The following TENM2 variants were observed in gnomAD, a reference collection of about 807,000 sequenced individuals.
TENM2 encodes the protein teneurin transmembrane protein 2, also known as teneurin-2.
A neutral mutation model predicts 245.2 loss-of-function variants in TENM2; 52 were observed. The observed-to-expected ratio is 0.21, with a 90% CI of 0.17 to 0.27. The LOEUF (loss-of-function observed/expected upper bound fraction) is 0.27, where lower values mean the gene tolerates loss of function less well. Among genes scored for constraint, TENM2 ranks in the 10% least tolerant of loss-of-function variants. The probability of loss-of-function intolerance (pLI) is 1.00; values close to 1 mark genes in which losing one functional copy is unlikely to be tolerated. For synonymous variants in TENM2, 1,363 were observed against 1,438.9 expected (o/e 0.95, Z 1.19); for missense variants, 3,046 against 3,666.8 (o/e 0.83, Z 4.37).
At chr5:167,242,061 T>G in the TENM2 span, among the ~76,000 whole-genome samples, 1 of 150,144 alleles carries the variant, frequency 6.7e-6, no homozygotes, top group Non-Finnish European at 1.5e-5. Flanking sequence ...TTTTTTTTTT[T>G]GAGATGGAGT....
intron 2 of TENM2, among the ~76,000 whole-genome samples, chr5:167,865,623 C>CA (rs2151311916): frequency 6.6e-6 from 1 of 152,084 alleles, no homozygotes; most frequent in African/African-American, 2.4e-5. Flanking sequence ...GAAAATTAAC[C>CA]AAAAAAATGT....
chr5:168,105,671 A>T (rs932330102), intron 9 of TENM2, among the ~76,000 whole-genome samples: 3 of 152,288 alleles, frequency 2.0e-5, no homozygotes, highest in Non-Finnish European at 2.9e-5. Flanking sequence ...GAGCAACTTA[A>T]TAGGCAAGCT....
At chr5:167,114,158 A>G in the TENM2 span, among the ~76,000 whole-genome samples, 1 of 152,172 alleles carries the variant, frequency 6.6e-6, no homozygotes, top group Non-Finnish European at 1.5e-5. Context: ...TTTGTTCTCC[A>G]TCAAACGTTT....
At chr5:167,870,805 T>A (rs144832074) in intron 2 of TENM2, among the ~76,000 whole-genome samples, 54 of 152,034 alleles carry the variant, frequency 3.6e-4, no homozygotes, top group African/African-American at 1.3e-3. Context: ...TATCTGAGCA[T>A]GTCTCTTTGC....
chr5:168,082,609 G>T (rs888258713), intron 7 of TENM2, among the ~76,000 whole-genome samples: 1 of 152,124 alleles, frequency 6.6e-6, no homozygotes, highest in Non-Finnish European at 1.5e-5. Flanking sequence ...TGGGGTTTTG[G>T]TGTGGATGTC....
chr5:167,986,844 C>T (rs1023363900), intron 4 of TENM2, among the ~76,000 whole-genome samples: 2 of 152,178 alleles, frequency 1.3e-5, no homozygotes, highest in African/African-American at 4.8e-5. Context: ...AGGAGAAGTC[C>T]CCTAAGCCCT....
chr5:168,162,196 T>A (rs563223303), intron 12 of TENM2, among the ~76,000 whole-genome samples: 1 of 152,146 alleles, frequency 6.6e-6, no homozygotes, highest in Non-Finnish European at 1.5e-5. Context: ...CCTGGGTTGA[T>A]AGGGAATTTT....
rs66740766 is a variant in TENM2 at position 167,776,161 on chromosome 5, CCACA to C, written c.503-99798_503-99795del. Among the ~76,000 whole-genome samples the C allele has an allele frequency of 7.5e-5, 10 of 133,138 alleles. No individual in the cohort carries two copies. In the South Asian group the frequency reaches 1.2e-3, roughly 16 times the overall value. The allele number at this position is 133,138 out of a possible 152,430, so 87.3% of individuals were successfully genotyped here. A position where few individuals can be genotyped will look rare whatever the true frequency, so the allele number is the denominator to read the frequency against. ...TGGTCCTGTGAAAGGAAAAAAAAATCCACACACACACACACACACACACACACAC... is the reference window on the plus strand; with the variant it reads ...TGGTCCTGTGAAAGGAAAAAAAAATCCACACACACACACACACACACACAC... On this transcript the variant is annotated intron_variant, in intron 2 of 28. Coordinates refer to ENST00000518659, the Ensembl canonical transcript of TENM2.
chr5:167,242,692 G>T, the TENM2 span, among the ~76,000 whole-genome samples: 1 of 151,994 alleles, frequency 6.6e-6, no homozygotes, highest in African/African-American at 2.4e-5. Flanking sequence ...TTGCTTTATT[G>T]TAAGAATACA....
intron 2 of TENM2, among the ~76,000 whole-genome samples, chr5:167,621,997 ATG>A (rs1778206647): frequency 6.6e-6 from 1 of 152,170 alleles, no homozygotes; most frequent in Non-Finnish European, 1.5e-5. Flanking sequence ...TTAGGCTAAT[ATG>A]TGTGTATATT....
chr5:166,996,199 C>T, the TENM2 span, among the ~76,000 whole-genome samples: 3 of 151,904 alleles, frequency 2.0e-5, no homozygotes, highest in South Asian at 2.1e-4. Context: ...GAAAATTAGC[C>T]GGGCGTGGTG....
intron 1 of TENM2, among the ~76,000 whole-genome samples, chr5:167,355,062 T>G (rs1759220272): frequency 6.6e-6 from 1 of 152,206 alleles, no homozygotes; most frequent in South Asian, 2.1e-4. Context: ...TCTGTTTATC[T>G]TACTTATTAG....
At chr5:167,664,254 C>A (rs1317015938) in intron 2 of TENM2, among the ~76,000 whole-genome samples, 1 of 152,096 alleles carries the variant, frequency 6.6e-6, no homozygotes, top group South Asian at 2.1e-4. Flanking sequence ...AGCCCCTTGG[C>A]CTGAGGATAG....
intron 3 of TENM2, among the ~76,000 whole-genome samples, chr5:167,929,569 T>C (rs929852922): frequency 6.6e-6 from 1 of 152,226 alleles, no homozygotes; most frequent in Admixed American, 6.5e-5. Flanking sequence ...ATTACCATGT[T>C]ATTAGCATCA....
the TENM2 span, among the ~76,000 whole-genome samples, chr5:167,253,690 T>G: frequency 6.6e-6 from 1 of 152,186 alleles, no homozygotes; most frequent in East Asian, 1.9e-4. Context: ...TTTAAGATGA[T>G]TAATTTATTA....
chr5:168,056,505 A>G (rs1336529125), intron 6 of TENM2, among the ~76,000 whole-genome samples: 1 of 152,238 alleles, frequency 6.6e-6, no homozygotes, highest in Non-Finnish European at 1.5e-5. Flanking sequence ...TTGGCCAGAT[A>G]TTCAGTACTG....
chr5:168,004,436 A>T (rs1784642207), intron 5 of TENM2, among the ~76,000 whole-genome samples: 1 of 151,488 alleles, frequency 6.6e-6, no homozygotes, highest in African/African-American at 2.4e-5. Context: ...GGCTAGTGGT[A>T]GTGGGGACTT....
exon 5 of TENM2, chr5:167,992,980 C>T (rs770856766): frequency 6.2e-7 from 1 of 1,613,866 alleles, no homozygotes; most frequent in African/African-American, 1.3e-5. Flanking sequence ...GGAGCACACC[C>T]TTGTTCAGCA....
chr5:168,262,421 G>T, exon 29 of TENM2: 2 of 1,581,684 alleles, frequency 1.3e-6, no homozygotes, highest in Middle Eastern at 1.7e-4. Flanking sequence ...GCTAGAGAGC[G>T]GGGTGAACGT....
Sources: gnomAD v4.1 joint callset for allele counts (sites outside exome capture counted in the v4.1 genomes callset) on GRCh38, gnomAD v4.1.1 for gene constraint, MANE v1.5 for transcripts, NCBI Gene and HGNC (gene_info 2026-07-23, HGNC 2026-07-21) for gene names.